Variants in IL17RB observed in about 807,000 individuals in gnomAD.
IL17RB encodes the protein interleukin-17 receptor B.
In IL17RB, 36 loss-of-function variants were observed where a neutral mutation model predicts 43.9. That is an observed-to-expected ratio of 0.82 (90% CI 0.63 to 1.08). The LOEUF is 1.08. Among genes scored for constraint, IL17RB ranks in the 50% least tolerant of loss-of-function variants. IL17RB has a pLI of 0.00. For synonymous variants in IL17RB, 225 were observed against 225.4 expected (o/e 1.00, Z 0.02); for missense variants, 613 against 613.6 (o/e 1.00, Z 0.01).
intron 3 of IL17RB, 87 bp downstream of exon 3, chr3:53,849,882 A>G (rs1699072065): frequency 1.5e-6 from 2 of 1,337,988 alleles, no homozygotes; most frequent in Non-Finnish European, 2.0e-6. Context: ...TTCCCCTTCT[A>G]CGCATAACCA....
intron 5 of IL17RB, among the ~76,000 whole-genome samples, chr3:53,854,876 T>C (rs1296065721): frequency 6.6e-6 from 1 of 152,216 alleles, no homozygotes; most frequent in Non-Finnish European, 1.5e-5. Context: ...GATACTGTTT[T>C]GATAAAGGCT....
chr3:53,860,422 G>C (rs971082779), intron 10 of IL17RB, 194 bp downstream of exon 10: 7 of 419,022 alleles, frequency 1.7e-5, no homozygotes, highest in African/African-American at 1.4e-4. Flanking sequence ...GTGAAAGCAG[G>C]GTCAGGACTT....
chr3:53,854,674 A>G (rs1259386626), intron 5 of IL17RB, among the ~76,000 whole-genome samples: 1 of 152,200 alleles, frequency 6.6e-6, no homozygotes, highest in Non-Finnish European at 1.5e-5. Context: ...GGGGACTGCC[A>G]GACTTCTCCA....
rs1182404888 is a variant in IL17RB, at chr3:53,864,736, CCT to C, written c.947-6_947-5del. 6.3e-7 allele frequency: 1 copy of C among 1,583,920 alleles called. No individual in the cohort carries two copies. The highest frequency in any genetic ancestry group is 1.3e-5 in the African/African-American group (1 of 74,168). ...GTTCACAGATAACAAATGCTTTTCT[CCT>C]CTCACAGAAAGGATCAAGAAGACTT... On this transcript the variant is annotated splice_polypyrimidine_tract_variant and splice_region_variant and intron_variant, in intron 10 of 10. Coordinates refer to ENST00000288167, the MANE Select transcript of IL17RB (RefSeq NM_018725.4).
intron 8 of IL17RB, chr3:53,858,375 T>C (rs963381373): frequency 9.3e-7 from 1 of 1,070,844 alleles, no homozygotes; most frequent in Non-Finnish European, 1.1e-6. Flanking sequence ...AAGCACTGGC[T>C]GAAGGAAGCC....
intron 1 of IL17RB, among the ~76,000 whole-genome samples, chr3:53,846,973 C>T (rs781749971): frequency 6.6e-6 from 1 of 152,200 alleles, no homozygotes; most frequent in Non-Finnish European, 1.5e-5. Flanking sequence ...ACATGGCCTG[C>T]AATTAGCGGC....
chr3:53,857,913 C>T, intron 8 of IL17RB: 1 of 538,666 alleles, frequency 1.9e-6, no homozygotes, highest in Non-Finnish European at 3.3e-6. Context: ...TGGCTGCTGA[C>T]CTTCCAAAGC....
In IL17RB at chr3:53,853,132, G is replaced by A. The variant is rs1466775001; in HGVS notation, c.481+135G>A. On this transcript the variant is annotated intron_variant, in intron 5 of 10. Coordinates refer to ENST00000288167, the MANE Select transcript of IL17RB (RefSeq NM_018725.4). Reference sequence around the variant, plus strand: ...TCTCAGTTCCCTTATCTAAAGCATGGACACAGTAGTAACCATACTTTACCC... The same window carrying A: ...TCTCAGTTCCCTTATCTAAAGCATGAACACAGTAGTAACCATACTTTACCC... The A allele has an allele frequency of 5.8e-5, 56 of 967,890 alleles. 1 individual carries two copies. Among genetic ancestry groups the A allele is most frequent in the Middle Eastern group, 6.2e-4 (2 of 3,232 alleles). 60.0% of individuals were successfully genotyped at this position (967,890 alleles called of 1,614,324 possible). A position where few individuals can be genotyped will look rare whatever the true frequency, so the allele number is the denominator to read the frequency against.
rs374305179 is a variant in IL17RB, at chr3:53,849,571, T to G, written c.86-84T>G. The G allele has an allele frequency of 6.8e-4, 851 of 1,246,402 alleles. 4 individuals carry two copies. In the African/African-American group the frequency reaches 7.9e-3, roughly 11 times the overall value. The allele number at this position is 1,246,402 out of a possible 1,614,324, so 77.2% of individuals were successfully genotyped here. On this transcript the variant is annotated intron_variant, in intron 2 of 10. Transcript: ENST00000288167. The stretch of plus-strand genomic sequence containing the variant: ...TGAGGAATTGTGAATGGGGGAAGGT[T>G]TGGTGTGAGTCACTGAGAGGAGATG...
At chr3:53,851,758 T>C (rs1699156407) in intron 3 of IL17RB, among the ~76,000 whole-genome samples, 2 of 152,302 alleles carry the variant, frequency 1.3e-5, no homozygotes, top group South Asian at 4.1e-4. Flanking sequence ...GCTTGGGCTT[T>C]GGAATCTGAA....
At chr3:53,849,817 A>G (rs1191552039) in intron 3 of IL17RB, 22 bp downstream of exon 3, 1 of 1,584,010 alleles carries the variant, frequency 6.3e-7, no homozygotes. Flanking sequence ...TCCATCAGAG[A>G]TAAGGCCCAA....
chr3:53,858,549 T>A, intron 8 of IL17RB, 170 bp from the exon 9 acceptor site: 1 of 1,433,480 alleles, frequency 7.0e-7, no homozygotes, highest in South Asian at 1.5e-5. Flanking sequence ...TCACTGGTTT[T>A]GACTTTAGGG....
chr3:53,853,889 ATTAT>A (rs538582879), intron 5 of IL17RB, among the ~76,000 whole-genome samples: 11 of 151,616 alleles, frequency 7.3e-5, no homozygotes, highest in East Asian at 5.8e-4. Context: ...CTTTTATTTT[ATTAT>A]TTATTTATTT....
Position 53,860,065 on chromosome 3 carries a change from G to A in IL17RB, c.848-65G>A, listed in dbSNP as rs1172252692. 7 of 1,103,416 alleles carry A rather than the reference G, an allele frequency of 6.3e-6. No individual in the cohort carries two copies. In the Admixed American group the frequency reaches 1.2e-4, roughly 19 times the overall value. 68.4% of individuals were successfully genotyped at this position (1,103,416 alleles called of 1,614,324 possible). The stretch of plus-strand genomic sequence containing the variant: ...CCTCTATAAAGTATACCAAGTCTTA[G>A]TTTTTAAATTAAGAGATAAGTGTGG... On this transcript the variant is annotated intron_variant, in intron 9 of 10. Coordinates refer to ENST00000288167, the MANE Select transcript of IL17RB (RefSeq NM_018725.4).
intron 3 of IL17RB, among the ~76,000 whole-genome samples, chr3:53,850,296 A>C (rs1699089552): frequency 6.6e-6 from 1 of 152,006 alleles, no homozygotes; most frequent in Non-Finnish European, 1.5e-5. Flanking sequence ...CAGGAGTTCG[A>C]GACCAGCCTG....
At chr3:53,856,715 T>G in intron 6 of IL17RB, 129 bp from the exon 7 acceptor site, 2 of 830,380 alleles carry the variant, frequency 2.4e-6, no homozygotes, top group Non-Finnish European at 3.9e-6. Context: ...AAGTTCACTA[T>G]GTAGCAGCGT....
intron 10 of IL17RB, 87 bp from the exon 11 acceptor site, chr3:53,864,659 C>A: frequency 9.9e-7 from 1 of 1,010,740 alleles, no homozygotes; most frequent in Non-Finnish European, 1.5e-6. Context: ...CATTCTCTAG[C>A]AAGGGATCAT....
chr3:53,848,787 C>T lies in IL17RB; in HGVS notation c.85+99C>T, dbSNP rs1462569100. ...AGGCAATAGGTCATCGAAGACCAGA[C>T]ACAGGGTGACCCATTGCTTTATTGG... On this transcript the variant is annotated intron_variant, in intron 2 of 10. Transcript: ENST00000288167. The T allele has an allele frequency of 4.9e-6, 6 of 1,225,512 alleles. No homozygotes were observed. In the Admixed American group the frequency reaches 6.7e-5, roughly 14 times the overall value. The allele number at this position is 1,225,512 out of a possible 1,614,324, so 75.9% of individuals were successfully genotyped here. A position where few individuals can be genotyped will look rare whatever the true frequency, so the allele number is the denominator to read the frequency against.
intron 10 of IL17RB, 138 bp from the exon 11 acceptor site, chr3:53,864,608 T>C (rs960263224): frequency 5.9e-6 from 4 of 683,322 alleles, no homozygotes; most frequent in African/African-American, 3.6e-5. Context: ...TCAGGATGTT[T>C]TTCCTTGCTG....
Sources: gnomAD v4.1 joint callset for allele counts (sites outside exome capture counted in the v4.1 genomes callset) on GRCh38, gnomAD v4.1.1 for gene constraint, MANE v1.5 for transcripts, NCBI Gene and HGNC (gene_info 2026-07-23, HGNC 2026-07-21) for gene names.